GREB1L: variants seen among roughly 807,000 people sequenced by gnomAD.
The protein encoded by GREB1L is GREB1-like protein.
In GREB1L, 17 loss-of-function variants were observed where a neutral mutation model predicts 200.8. The observed-to-expected ratio is 0.08, with a 90% CI of 0.06 to 0.13. GREB1L has a LOEUF of 0.13. Among genes scored for constraint, GREB1L ranks in the 10% least tolerant of loss-of-function variants. GREB1L has a pLI of 1.00. For missense variants in GREB1L, 1,657 were observed against 2,367.7 expected, an observed-to-expected ratio of 0.70 and a Z score of 6.23; for synonymous variants, 789 against 893.0, an observed-to-expected ratio of 0.88 and a Z score of 2.08.
At chr18:21,507,825 A>G (rs1159904634) in intron 25 of GREB1L, among the ~76,000 whole-genome samples, 2 of 152,232 alleles carry the variant, frequency 1.3e-5, no homozygotes, top group Non-Finnish European at 2.9e-5. Context: ...ACCTCTGCAC[A>G]GGATGAAGCA....
At chr18:21,267,066 T>C (rs2037980908) in intron 1 of GREB1L, among the ~76,000 whole-genome samples, 1 of 152,084 alleles carries the variant, frequency 6.6e-6, no homozygotes, top group Non-Finnish European at 1.5e-5. Flanking sequence ...GCTGACTAGC[T>C]GGGACTACAT....
At chr18:21,411,114 A>T (rs1470151632) in intron 7 of GREB1L, among the ~76,000 whole-genome samples, 6 of 152,220 alleles carry the variant, frequency 3.9e-5, no homozygotes, top group African/African-American at 1.4e-4. Flanking sequence ...CTACTTTGGT[A>T]ATGAGGAAAA....
At chr18:21,268,609 G>GT (rs1378405409) in intron 1 of GREB1L, among the ~76,000 whole-genome samples, 1 of 109,446 alleles carries the variant, frequency 9.1e-6, no homozygotes, top group African/African-American at 3.2e-5. Context: ...ATATATATAT[G>GT]TTTTTTCAGG....
At chr18:21,389,920 AC>A (rs1368465338) in intron 4 of GREB1L, among the ~76,000 whole-genome samples, 1 of 152,214 alleles carries the variant, frequency 6.6e-6, no homozygotes, top group Non-Finnish European at 1.5e-5. Flanking sequence ...ATAGGACCCA[AC>A]AAAAATAGGC....
At chr18:21,305,826 C>G (rs2038690307) in intron 1 of GREB1L, among the ~76,000 whole-genome samples, 1 of 152,138 alleles carries the variant, frequency 6.6e-6, no homozygotes, top group African/African-American at 2.4e-5. Flanking sequence ...TCTGACTATT[C>G]CCCAAGCCTG....
intron 1 of GREB1L, among the ~76,000 whole-genome samples, chr18:21,273,353 TGAA>T (rs1272279572): frequency 1.3e-5 from 2 of 152,238 alleles, no homozygotes; most frequent in African/African-American, 4.8e-5. Context: ...GATTATGAGG[TGAA>T]GATCTTAAAT....
At chr18:21,516,515 G>A in intron 29 of GREB1L, 98 bp from the exon 30 acceptor site, 1 of 1,170,018 alleles carries the variant, frequency 8.5e-7, no homozygotes, top group South Asian at 1.6e-5. Context: ...GATTATTTTA[G>A]GCTCCTAATA....
chr18:21,407,686 G>T (rs1160918046), intron 7 of GREB1L, among the ~76,000 whole-genome samples: 1 of 151,926 alleles, frequency 6.6e-6, no homozygotes, highest in Non-Finnish European at 1.5e-5. Context: ...TGGAAAAATT[G>T]ATAAAATGGA....
At chr18:21,436,907 C>T (rs865995134) in intron 7 of GREB1L, among the ~76,000 whole-genome samples, 1 of 151,826 alleles carries the variant, frequency 6.6e-6, no homozygotes, top group African/African-American at 2.4e-5. Flanking sequence ...GACAAGGTTT[C>T]GCTATGTTGT....
chr18:21,478,170 T>C (rs2035782560), intron 17 of GREB1L, among the ~76,000 whole-genome samples: 1 of 152,214 alleles, frequency 6.6e-6, no homozygotes, highest in Non-Finnish European at 1.5e-5. Flanking sequence ...TTTCACAGTC[T>C]TCTGTATGAA....
intron 1 of GREB1L, among the ~76,000 whole-genome samples, chr18:21,351,335 G>A (rs2039429770): frequency 6.6e-6 from 1 of 152,198 alleles, no homozygotes. Flanking sequence ...AGCACTTTGG[G>A]AGGCTGAGCC....
chr18:21,253,838 T>TC (rs2037754068), intron 1 of GREB1L, among the ~76,000 whole-genome samples: 1 of 150,402 alleles, frequency 6.6e-6, no homozygotes, highest in Non-Finnish European at 1.5e-5. Context: ...CTTTTTTTTT[T>TC]TTTTTTTTTC....
chr18:21,480,889 G>A (rs1372176033), intron 17 of GREB1L, among the ~76,000 whole-genome samples: 8 of 151,890 alleles, frequency 5.3e-5, no homozygotes, highest in Middle Eastern at 3.4e-3. Flanking sequence ...GCGTGGTGGC[G>A]GGCAACTGTA....
In GREB1L at chr18:21,449,648, C is replaced by G; in HGVS notation, c.1532C>G (p.Ala511Gly). 1 of 1,551,666 alleles carries G rather than the reference C, an allele frequency of 6.4e-7. No homozygotes were observed. The highest frequency in any genetic ancestry group is 8.7e-7 in the Non-Finnish European group (1 of 1,146,980). Residue 511 changes from alanine to glycine, a missense_variant, in exon 12 of 33, where the codon GCT (alanine) becomes GGT (glycine). Physicochemically the swap from Ala to Gly is moderately conservative, Grantham distance 60 (BLOSUM62 0). Transcript: ENST00000424526. Reference sequence around the variant, plus strand: ...TCACCAGGACAACTCCCCTGGCTTGCTAGATTAATTGCCAGCGTATCTCAA... The same window carrying G: ...TCACCAGGACAACTCCCCTGGCTTGGTAGATTAATTGCCAGCGTATCTCAA... Reference protein sequence around the residue: ...PVSPGQLPWLARLIASVSQDL... With the variant: ...PVSPGQLPWLGRLIASVSQDL...
chr18:21,449,229 A>C (rs1200813083), intron 11 of GREB1L, among the ~76,000 whole-genome samples: 5 of 152,202 alleles, frequency 3.3e-5, no homozygotes, highest in Admixed American at 2.6e-4. Flanking sequence ...ATACAGTGGA[A>C]TTAATGGTTT....
At chr18:21,441,766 G>T (rs113194863) in intron 10 of GREB1L, among the ~76,000 whole-genome samples, 2 of 152,238 alleles carry the variant, frequency 1.3e-5, no homozygotes, top group Non-Finnish European at 2.9e-5. Flanking sequence ...GTCTCACCTC[G>T]CATGAGCCAC....
intron 1 of GREB1L, among the ~76,000 whole-genome samples, chr18:21,331,968 A>G (rs565561137): frequency 6.6e-6 from 1 of 152,344 alleles, no homozygotes; most frequent in African/African-American, 2.4e-5. Context: ...GGTATTCTGA[A>G]AAACCTTTGA....
chr18:21,288,578 C>T (rs948998040), intron 1 of GREB1L, among the ~76,000 whole-genome samples: 1 of 152,178 alleles, frequency 6.6e-6, no homozygotes, highest in Non-Finnish European at 1.5e-5. Context: ...ATCATACATA[C>T]AGATTTTTTG....
At position 21,401,265 on chromosome 18, in the gene GREB1L, G is replaced by A. The variant is rs1409732140; in HGVS notation, c.648G>A (p.Lys216=). 6.4e-7 allele frequency: 1 copy of A among 1,551,718 alleles called. No individual in the cohort carries two copies. The highest frequency in any genetic ancestry group is 2.0e-5 in the Admixed American group (1 of 51,002). The change falls in exon 6 of 33, where the codon AAG becomes AAA. Residue 216 remains lysine, a synonymous_variant. Coordinates refer to ENST00000424526, the MANE Select transcript of GREB1L (RefSeq NM_001142966.3). Reference sequence around the variant, plus strand: ...AGCCAAAGAAGCAGAAGCACTTAAAGTACTACCTAGTCAGAAGCTCCCAGG... The same window carrying A: ...AGCCAAAGAAGCAGAAGCACTTAAAATACTACCTAGTCAGAAGCTCCCAGG... ...TTQPKKQKHL[K]YYLVRSSQGV...
Sources: gnomAD v4.1 joint callset for allele counts (sites outside exome capture counted in the v4.1 genomes callset) on GRCh38, gnomAD v4.1.1 for gene constraint, MANE v1.5 for transcripts, NCBI Gene and HGNC (gene_info 2026-07-23, HGNC 2026-07-21) for gene names.